The following CDK14 variants were observed in gnomAD, a reference collection of about 807,000 sequenced individuals.
The protein encoded by CDK14 is cyclin-dependent kinase 14.
In CDK14, 34 loss-of-function variants were observed where a neutral mutation model predicts 60.7. That is an observed-to-expected ratio of 0.56 (90% CI 0.43 to 0.75). The LOEUF (loss-of-function observed/expected upper bound fraction) is 0.75, where lower values mean the gene tolerates loss of function less well. Ranked by LOEUF, CDK14 falls within the 30% of genes least tolerant of loss-of-function variation. The pLI, the probability that CDK14 is intolerant of heterozygous loss-of-function variation, is 0.00. For synonymous variants in CDK14, 197 were observed against 203.7 expected (o/e 0.97, Z 0.28); for missense variants, 482 against 564.1 (o/e 0.85, Z 1.47).
At chr7:90,999,499 G>A (rs1377834923) in intron 10 of CDK14, among the ~76,000 whole-genome samples, 1 of 152,010 alleles carries the variant, frequency 6.6e-6, no homozygotes, top group African/African-American at 2.4e-5. Flanking sequence ...TGAGGCAGGA[G>A]AATCACTTGA....
At chr7:90,626,331 T>C (rs1799875870) in intron 2 of CDK14, among the ~76,000 whole-genome samples, 1 of 152,168 alleles carries the variant, frequency 6.6e-6, no homozygotes, top group Non-Finnish European at 1.5e-5. Context: ...TGTTTCTCTC[T>C]TCTTTGGGTA....
At chr7:90,781,071 CCTGA>C (rs1251071364) in intron 4 of CDK14, among the ~76,000 whole-genome samples, 1 of 152,024 alleles carries the variant, frequency 6.6e-6, no homozygotes, top group African/African-American at 2.4e-5. Context: ...CCTGTTGTTT[CCTGA>C]CTTTTTAATG....
intron 7 of CDK14, among the ~76,000 whole-genome samples, chr7:90,910,488 A>T (rs933428539): frequency 6.6e-6 from 1 of 152,146 alleles, no homozygotes; most frequent in African/African-American, 2.4e-5. Context: ...TGGGTAGTTT[A>T]AGGTTGTGCA....
chr7:90,608,397 C>T (rs1157183685), intron 2 of CDK14: 2 of 182,814 alleles, frequency 1.1e-5, no homozygotes, highest in African/African-American at 2.4e-5. Flanking sequence ...GACAAAAGCT[C>T]TAATTAAGTG....
chr7:90,827,660 C>T (rs556715682), intron 5 of CDK14, among the ~76,000 whole-genome samples: 3 of 152,266 alleles, frequency 2.0e-5, no homozygotes, highest in East Asian at 3.9e-4. Context: ...ACTGGAAGGA[C>T]GTTTTCTTCT....
At chr7:91,009,795 A>G (rs1014235695) in intron 10 of CDK14, among the ~76,000 whole-genome samples, 5 of 152,070 alleles carry the variant, frequency 3.3e-5, no homozygotes, top group Non-Finnish European at 7.4e-5. Flanking sequence ...CATTGTCTTC[A>G]CAGTTTCTTT....
chr7:91,103,720 C>T (rs1799205257), intron 12 of CDK14, among the ~76,000 whole-genome samples: 1 of 152,100 alleles, frequency 6.6e-6, no homozygotes, highest in South Asian at 2.1e-4. Flanking sequence ...CTAACCTGTA[C>T]AGGGAATAAG....
At chr7:90,619,233 T>C (rs1799716584) in intron 2 of CDK14, among the ~76,000 whole-genome samples, 1 of 152,226 alleles carries the variant, frequency 6.6e-6, no homozygotes, top group African/African-American at 2.4e-5. Flanking sequence ...AGGCAATTTT[T>C]CCCTGTTTTT....
intron 2 of CDK14, among the ~76,000 whole-genome samples, chr7:90,615,220 G>T (rs1192080796): frequency 1.3e-5 from 2 of 152,186 alleles, no homozygotes; most frequent in East Asian, 3.8e-4. Flanking sequence ...AGATGAAAAT[G>T]CATCAGGCAA....
chr7:90,883,262 G>T (rs917179136), intron 6 of CDK14, among the ~76,000 whole-genome samples: 3 of 152,082 alleles, frequency 2.0e-5, no homozygotes, highest in Non-Finnish European at 4.4e-5. Context: ...TGTTAAAGGG[G>T]ATATCACCAC....
chr7:91,030,904 A>C (rs555659198), intron 10 of CDK14, among the ~76,000 whole-genome samples: 10 of 152,186 alleles, frequency 6.6e-5, no homozygotes, highest in Non-Finnish European at 1.5e-4. Context: ...GGCTAAGGCT[A>C]GGTGAGACTT....
At chr7:90,837,966 A>T in intron 5 of CDK14, among the ~76,000 whole-genome samples, 1 of 152,144 alleles carries the variant, frequency 6.6e-6, no homozygotes, top group East Asian at 1.9e-4. Context: ...TTGGAAAAAC[A>T]TATGTAGGAT....
At chr7:90,955,896 G>A (rs933715190) in intron 9 of CDK14, 79 bp downstream of exon 9, 11 of 1,529,950 alleles carry the variant, frequency 7.2e-6, no homozygotes, top group Non-Finnish European at 8.0e-6. Context: ...CATCCTAACA[G>A]TTTGAATGAA....
intron 14 of CDK14, among the ~76,000 whole-genome samples, chr7:91,176,881 C>G (rs1801781892): frequency 1.3e-5 from 2 of 152,102 alleles, no homozygotes; most frequent in Non-Finnish European, 1.5e-5. Flanking sequence ...ACCAGAGGTA[C>G]AAGGAGGAAC....
At chr7:91,100,493 A>G (rs1799120599) in intron 12 of CDK14, among the ~76,000 whole-genome samples, 1 of 152,206 alleles carries the variant, frequency 6.6e-6, no homozygotes, top group African/African-American at 2.4e-5. Flanking sequence ...TCTTGTTGAA[A>G]AGAATATAAC....
chr7:90,598,619 CAA>C (rs769493547), intron 1 of CDK14, among the ~76,000 whole-genome samples: 8 of 150,664 alleles, frequency 5.3e-5, no homozygotes, highest in Non-Finnish European at 8.9e-5. Context: ...ATTACAGAAA[CAA>C]AATCTGTATC....
At chr7:90,654,808 C>T (rs918035800) in intron 2 of CDK14, among the ~76,000 whole-genome samples, 3 of 152,124 alleles carry the variant, frequency 2.0e-5, no homozygotes, top group Admixed American at 6.6e-5. Flanking sequence ...TAGTATAATT[C>T]ATGAACCAAG....
At chr7:90,633,669 T>G (rs1800058109) in intron 2 of CDK14, among the ~76,000 whole-genome samples, 1 of 152,258 alleles carries the variant, frequency 6.6e-6, no homozygotes, top group Non-Finnish European at 1.5e-5. Flanking sequence ...AAGAGCATTA[T>G]TCATATGTCA....
intron 12 of CDK14, among the ~76,000 whole-genome samples, chr7:91,103,984 A>G (rs1292399860): frequency 6.6e-6 from 1 of 152,252 alleles, no homozygotes; most frequent in Non-Finnish European, 1.5e-5. Flanking sequence ...TATTCGCAAT[A>G]TAAGATTCTC....
Sources: gnomAD v4.1 joint callset for allele counts (sites outside exome capture counted in the v4.1 genomes callset) on GRCh38, gnomAD v4.1.1 for gene constraint, MANE v1.5 for transcripts, NCBI Gene and HGNC (gene_info 2026-07-23, HGNC 2026-07-21) for gene names.